Variants in SLC36A1 observed in about 807,000 individuals in gnomAD.
SLC36A1 encodes the protein proton-coupled amino acid transporter 1.
Under a neutral mutation model 47.5 loss-of-function variants are expected in SLC36A1, and 30 were observed. The ratio of observed to expected loss-of-function variants is 0.63; its 90% confidence interval spans 0.47 to 0.86. The LOEUF (loss-of-function observed/expected upper bound fraction) is 0.86. SLC36A1 is among the 40% of genes least tolerant of loss of function. The pLI is 0.00. For missense variants in SLC36A1, 517 were observed against 606.0 expected, an observed-to-expected ratio of 0.85 and a Z score of 1.54; for synonymous variants, 255 against 249.7, an observed-to-expected ratio of 1.02 and a Z score of -0.20.
the SLC36A1 span, chr5:151,512,350 T>G: frequency 6.2e-7 from 1 of 1,614,188 alleles, no homozygotes; most frequent in Admixed American, 1.7e-5. This position sits in a 1 kb window ranked among gnomAD's most constrained non-coding sequence, Gnocchi z 4.1. Flanking sequence ...TTCAAAGCCC[T>G]GGGAGACATT....
the SLC36A1 span, among the ~76,000 whole-genome samples, chr5:151,399,084 A>ATATATATATTT: frequency 8.3e-5 from 5 of 60,064 alleles, no homozygotes; most frequent in African/African-American, 1.7e-4. Context: ...ATATATATAT[A>ATATATATATTT]TTTTTTTTTT....
At chr5:151,529,363 A>C in the SLC36A1 span, 1 of 1,613,904 alleles carries the variant, frequency 6.2e-7, no homozygotes, top group Non-Finnish European at 8.5e-7. Context: ...CTTGTCTCAA[A>C]GTCCAGGCTT....
At chr5:151,552,761 A>G in the SLC36A1 span, among the ~76,000 whole-genome samples, 1 of 152,204 alleles carries the variant, frequency 6.6e-6, no homozygotes, top group Non-Finnish European at 1.5e-5. Context: ...CCTGATCTCA[A>G]GGGTGAAACC....
the SLC36A1 span, chr5:151,510,265 T>A: frequency 2.9e-5 from 41 of 1,403,488 alleles, no homozygotes; most frequent in Non-Finnish European, 3.9e-5. Context: ...TGTGCAGCCG[T>A]TCAGTTACCA....
the SLC36A1 span, chr5:151,517,676 G>A: frequency 6.2e-7 from 1 of 1,614,204 alleles, no homozygotes; most frequent in Admixed American, 1.7e-5. Context: ...TGTGGCTGGA[G>A]TGTTTTCAGA....
At chr5:151,521,481 A>C in the SLC36A1 span, 1 of 1,614,200 alleles carries the variant, frequency 6.2e-7, no homozygotes, top group Non-Finnish European at 8.5e-7. Flanking sequence ...TGGCTGAGTG[A>C]GTGATGATGG....
chr5:151,545,678 G>T, the SLC36A1 span: 1 of 1,614,134 alleles, frequency 6.2e-7, no homozygotes, highest in Non-Finnish European at 8.5e-7. Flanking sequence ...CCCATGCTGG[G>T]ATCAATTTTG....
chr5:151,507,890 A>G, the SLC36A1 span, among the ~76,000 whole-genome samples: 2 of 152,118 alleles, frequency 1.3e-5, no homozygotes, highest in Non-Finnish European at 2.9e-5. Flanking sequence ...TACACTCTCT[A>G]TCATGAGGTC....
chr5:151,537,940 A>G, the SLC36A1 span: 11 of 1,613,690 alleles, frequency 6.8e-6, no homozygotes, highest in East Asian at 4.5e-5. Context: ...TTGCCAGTAT[A>G]GAGAAGCTAG....
chr5:151,354,140 C>G, the SLC36A1 span, among the ~76,000 whole-genome samples: 334 of 152,244 alleles, frequency 2.2e-3, 1 homozygote, highest in African/African-American at 7.0e-3. Context: ...CCCGTCTCTA[C>G]TCAATATACA....
chr5:151,530,625 A>AT, the SLC36A1 span, among the ~76,000 whole-genome samples: 1 of 152,236 alleles, frequency 6.6e-6, no homozygotes, highest in Non-Finnish European at 1.5e-5. Context: ...TCGAAAAGAC[A>AT]TTTATGAGAA....
At chr5:151,523,130 T>C in the SLC36A1 span, among the ~76,000 whole-genome samples, 7 of 152,164 alleles carry the variant, frequency 4.6e-5, no homozygotes, top group African/African-American at 1.7e-4. Flanking sequence ...CCAACACTTT[T>C]AATGTACAAG....
the SLC36A1 span, among the ~76,000 whole-genome samples, chr5:151,503,051 G>T: frequency 3.4e-5 from 5 of 148,320 alleles, 1 homozygote; most frequent in African/African-American, 1.3e-4. Context: ...ACAGCAATAA[G>T]TTTCGTGGTT....
upstream of SLC36A1, among the ~76,000 whole-genome samples, chr5:151,444,303 G>T (rs997942770): frequency 6.6e-6 from 1 of 151,894 alleles, no homozygotes; most frequent in African/African-American, 2.4e-5. Flanking sequence ...CATGTGCATG[G>T]GATATCTTTT....
chr5:151,369,581 A>T, the SLC36A1 span, among the ~76,000 whole-genome samples: 1 of 152,172 alleles, frequency 6.6e-6, no homozygotes, highest in Non-Finnish European at 1.5e-5. Flanking sequence ...GGCTCAAGTG[A>T]TCCTCCTGCT....
At chr5:151,433,223 T>C (rs1196158179), upstream of SLC36A1, among the ~76,000 whole-genome samples, 2 of 3,132 alleles carry the variant, frequency 6.4e-4, no homozygotes, top group African/African-American at 1.8e-3. Context: ...CTGAATAACA[T>C]ATATATATAT....
At chr5:151,436,014 G>A (rs2127436668), upstream of SLC36A1, among the ~76,000 whole-genome samples, 1 of 152,096 alleles carries the variant, frequency 6.6e-6, no homozygotes, top group Admixed American at 6.5e-5. Flanking sequence ...TATTACTAGT[G>A]CCCCTGCTAC....
chr5:151,522,371 C>G, the SLC36A1 span, among the ~76,000 whole-genome samples: 1 of 152,222 alleles, frequency 6.6e-6, no homozygotes, highest in Non-Finnish European at 1.5e-5. Context: ...GAGCCTCTTC[C>G]TAAATCTCTC....
chr5:151,474,158 T>TAAAAA (rs1757713102), intron 8 of SLC36A1, among the ~76,000 whole-genome samples: 1 of 23,774 alleles, frequency 4.2e-5, no homozygotes. Flanking sequence ...AGACTCTGTC[T>TAAAAA]CAAAAAAAAA....
Sources: allele counts gnomAD v4.1 joint callset (sites outside exome capture counted in the v4.1 genomes callset), GRCh38; gene constraint gnomAD v4.1.1; non-coding constraint Gnocchi (gnomAD v3.1); transcripts MANE v1.5; gene names NCBI Gene and HGNC (gene_info 2026-07-23, HGNC 2026-07-21).